TRPM7: variants seen among roughly 807,000 people sequenced by gnomAD.
TRPM7 encodes transient receptor potential cation channel subfamily M member 7, also known as LTRPC ion channel family member 7.
Under a neutral mutation model 229.7 loss-of-function variants are expected in TRPM7, and 134 were observed. The observed-to-expected ratio is 0.58, with a 90% CI of 0.51 to 0.67. TRPM7 has a LOEUF of 0.67. TRPM7 is among the 30% of genes least tolerant of loss of function. TRPM7 has a pLI of 0.00. For missense variants in TRPM7, 1,901 were observed against 2,210.0 expected (o/e 0.86, Z 2.80); for synonymous variants, 699 against 715.2 (o/e 0.98, Z 0.36).
intron 7 of TRPM7, 66 bp from the exon 8 acceptor site, chr15:50,634,622 A>G: frequency 8.4e-7 from 1 of 1,188,536 alleles, no homozygotes; most frequent in Non-Finnish European, 1.1e-6. Context: ...CAAGAAAAAA[A>G]AATTAGGCAA....
chr15:50,674,616 T>C (rs1222989722), intron 1 of TRPM7, among the ~76,000 whole-genome samples: 2 of 152,220 alleles, frequency 1.3e-5, no homozygotes, highest in African/African-American at 4.8e-5. Context: ...TAACTCTATT[T>C]ACATTTACCA....
chr15:50,682,414 C>A (rs1360242810), intron 1 of TRPM7, among the ~76,000 whole-genome samples: 1 of 151,716 alleles, frequency 6.6e-6, no homozygotes, highest in Non-Finnish European at 1.5e-5. Flanking sequence ...CCCATCTCTA[C>A]TAAAAATATA....
chr15:50,684,759 T>C (rs183741103), intron 1 of TRPM7, among the ~76,000 whole-genome samples: 1 of 152,300 alleles, frequency 6.6e-6, no homozygotes, highest in African/African-American at 2.4e-5. Context: ...ATGATGGGTT[T>C]CTTTCAACAA....
intron 10 of TRPM7, 63 bp from the exon 11 acceptor site, chr15:50,628,312 C>CTTTT: frequency 2.1e-6 from 2 of 946,526 alleles, no homozygotes; most frequent in Admixed American, 2.3e-5. Flanking sequence ...AAGGTGAACA[C>CTTTT]TTTTTTTTTT....
rs1596363801 is a variant in TRPM7, at chr15:50,686,685, T to C, written c.-152A>G. On this transcript the variant is annotated 5_prime_UTR_variant, in exon 1 of 39. Coordinates refer to ENST00000646667, the MANE Select transcript of TRPM7 (RefSeq NM_017672.6). ...GAAACCTTCTCAGAACTAACTCAGCTCCGGCGCTAGCAGCAGAAGCCGAGT... is the reference window on the plus strand; with the variant it reads ...GAAACCTTCTCAGAACTAACTCAGCCCCGGCGCTAGCAGCAGAAGCCGAGT... 1.0e-6 allele frequency: 1 copy of C among 999,748 alleles called. No homozygotes were observed. 61.9% of individuals were successfully genotyped at this position (999,748 alleles called of 1,614,324 possible).
intron 3 of TRPM7, among the ~76,000 whole-genome samples, chr15:50,653,935 C>T (rs1479175505): frequency 6.6e-6 from 1 of 152,018 alleles, no homozygotes; most frequent in Non-Finnish European, 1.5e-5. Flanking sequence ...CATCACTGAA[C>T]CCCCTGAACA....
intron 13 of TRPM7, among the ~76,000 whole-genome samples, chr15:50,616,666 A>G (rs949703685): frequency 2.3e-5 from 3 of 129,534 alleles, no homozygotes; most frequent in African/African-American, 8.7e-5. Flanking sequence ...TGAATATAGT[A>G]AAGTCAAAAA....
At chr15:50,639,616 G>A in intron 5 of TRPM7, 68 bp from the exon 6 acceptor site, 1 of 1,451,114 alleles carries the variant, frequency 6.9e-7, no homozygotes, top group Admixed American at 1.9e-5. Context: ...ACCCAGGAAA[G>A]AGAGCAGTGG....
At chr15:50,680,593 A>T (rs2062219834) in intron 1 of TRPM7, among the ~76,000 whole-genome samples, 1 of 151,838 alleles carries the variant, frequency 6.6e-6, no homozygotes, top group South Asian at 2.1e-4. Context: ...CAAAAACCAG[A>T]CAACTGAGTT....
intron 38 of TRPM7, among the ~76,000 whole-genome samples, chr15:50,565,996 GTATTTTTT>G (rs998716325): frequency 1.3e-5 from 2 of 151,822 alleles, no homozygotes; most frequent in East Asian, 3.9e-4. Context: ...GCTAATTTTT[GTATTTTTT>G]AGTAGAGATG....
At chr15:50,599,426 G>T in intron 21 of TRPM7, 130 bp from the exon 22 acceptor site, 2 of 564,662 alleles carry the variant, frequency 3.5e-6, no homozygotes, top group South Asian at 3.6e-5. Context: ...GATTCTTTTT[G>T]TTCCTAGTGA....
chr15:50,678,896 C>A (rs764823517), intron 1 of TRPM7, among the ~76,000 whole-genome samples: 1 of 152,136 alleles, frequency 6.6e-6, no homozygotes, highest in Admixed American at 6.6e-5. Flanking sequence ...TTTTTTGAGA[C>A]GAAGTCTCGC....
chr15:50,585,592 A>ACTAT (rs1275426572), intron 28 of TRPM7, among the ~76,000 whole-genome samples: 1 of 152,222 alleles, frequency 6.6e-6, no homozygotes, highest in Non-Finnish European at 1.5e-5. Flanking sequence ...TTAATCTGCT[A>ACTAT]CTATCATGCA....
In TRPM7 at chr15:50,559,497, CAAACAAAACA is replaced by C. The variant is rs139381412; in HGVS notation, c.*2171_*2180del. ...CATGAGCCACCATGCCCCACCAAGACAAACAAAACAAAACAAAACAAAACAAAACAAAACA... is the reference window on the plus strand; with the variant it reads ...CATGAGCCACCATGCCCCACCAAGACAAACAAAACAAAACAAAACAAAACA... On this transcript the variant is annotated 3_prime_UTR_variant, in exon 39 of 39. Transcript: ENST00000646667. The C allele has an allele frequency of 0.34, 51,095 of 149,496 alleles. 10,134 individuals carry two copies. Among genetic ancestry groups the C allele is most frequent in the Admixed American group, 0.48 (7,131 of 14,906 alleles). The allele number at this position is 149,496 out of a possible 1,614,324, so 9.3% of individuals were successfully genotyped here. A position where few individuals can be genotyped will look rare whatever the true frequency, so the allele number is the denominator to read the frequency against.
At chr15:50,619,962 C>T (rs1023126197) in intron 12 of TRPM7, among the ~76,000 whole-genome samples, 164 bp from the exon 13 acceptor site, 1 of 151,932 alleles carries the variant, frequency 6.6e-6, no homozygotes, top group Admixed American at 6.6e-5. Flanking sequence ...CATTTACTGC[C>T]AAAAAACAAA....
rs537182741 is a variant in TRPM7, at chr15:50,649,205, A to G, written c.123-320T>C. Among the ~76,000 whole-genome samples, 126 of 152,254 alleles carry G rather than the reference A, an allele frequency of 8.3e-4. 1 individual carries two copies. Among genetic ancestry groups the G allele is most frequent in the African/African-American group, 2.9e-3 (122 of 41,554 alleles). On this transcript the variant is annotated intron_variant, in intron 3 of 38. Transcript: ENST00000646667. ...GGTAATCCCAACACTGTGGGAGGCC[A>G]TGGCTGGAGGACCTTGAGGTCAAAA...
intron 30 of TRPM7, among the ~76,000 whole-genome samples, chr15:50,580,213 CT>C (rs35947660): frequency 3.7e-4 from 55 of 149,706 alleles, no homozygotes; most frequent in African/African-American, 6.6e-4. Flanking sequence ...CAAAACAAGA[CT>C]TTTTTTTTTA....
intron 31 of TRPM7, 195 bp downstream of exon 31, chr15:50,578,444 T>G: frequency 4.9e-6 from 2 of 404,434 alleles, no homozygotes; most frequent in East Asian, 7.4e-5. Flanking sequence ...AAAGATATCA[T>G]CATTCACAGG....
rs775084314 is a variant in TRPM7 at position 50,609,581 on chromosome 15, C to T, written c.2580G>A (p.Thr860=). 1.9e-6 allele frequency: 3 copies of T among 1,595,644 alleles called. No individual in the cohort carries two copies. Among genetic ancestry groups the T allele is most frequent in the Non-Finnish European group, 2.6e-6 (3 of 1,174,574 alleles). The part of the protein sequence containing the change: ...HAPIVKFWFN[T]LAYLGFLMLY... The stretch of plus-strand genomic sequence containing the variant: ...ATGCTTGTGTAATTTAAAAACATAC[C>T]GTGTTAAACCAGAATTTTACAATTG... Residue 860 remains threonine, a splice_region_variant and synonymous_variant, in exon 19 of 39, where the codon ACG becomes ACA. Transcript: ENST00000646667.
Sources: allele counts gnomAD v4.1 joint callset (sites outside exome capture counted in the v4.1 genomes callset), GRCh38; gene constraint gnomAD v4.1.1; transcripts MANE v1.5; gene names NCBI Gene and HGNC (gene_info 2026-07-23, HGNC 2026-07-21).